Variants in CTTN observed in about 807,000 individuals in gnomAD.
CTTN encodes the protein cortactin.
A neutral mutation model predicts 84.0 loss-of-function variants in CTTN; 28 were observed. That is an observed-to-expected ratio of 0.33 (90% CI 0.25 to 0.46). CTTN has a LOEUF of 0.46. CTTN is among the 20% of genes least tolerant of loss of function. CTTN has a pLI of 1.00. For missense variants in CTTN, 641 were observed against 723.8 expected, an observed-to-expected ratio of 0.89 and a Z score of 1.31; for synonymous variants, 301 against 288.8, an observed-to-expected ratio of 1.04 and a Z score of -0.43.
At chr11:70,418,322 T>C (rs145477030) in intron 8 of CTTN, among the ~76,000 whole-genome samples, 1 of 152,362 alleles carries the variant, frequency 6.6e-6, no homozygotes, top group Non-Finnish European at 1.5e-5. Context: ...CTCTGCCTCT[T>C]TCCTGGGAAC....
In CTTN at chr11:70,431,221, CCT is replaced by C. The variant is rs1591451402; in HGVS notation, c.1208_1209del (p.Pro403ArgfsTer19). The C allele has an allele frequency of 1.9e-6, 3 of 1,614,072 alleles. No homozygotes were observed. The highest frequency in any genetic ancestry group is 1.3e-5 in the African/African-American group (1 of 74,926). On this transcript the variant is annotated frameshift_variant, in exon 15 of 18. Transcript: ENST00000301843. LOFTEE classifies it high-confidence loss of function. ...AGCCAGAGCCAAAACGCAAACGCCC[CCT>C]GTGTCGCCCGCACCTCAGCCAACCG... ...EQARAKTQTP[P>X]VSPAPQPTEE... is the part of the protein sequence containing the mutation.
chr11:70,413,398 G>A (rs746850792), intron 5 of CTTN, among the ~76,000 whole-genome samples: 2 of 152,218 alleles, frequency 1.3e-5, no homozygotes, highest in South Asian at 4.1e-4. Flanking sequence ...CTGGGGCCTC[G>A]GTGTCAGGAC....
Position 70,435,218 on chromosome 11 carries a change from C to CTTCTTTGG in CTTN, c.*62_*69dup. ...TGGATCCTCACACTACAGATCAGGC[C>CTTCTTTGG]TTCTTTGGTTCTTGGGTGGTTTTGG... On this transcript the variant is annotated 3_prime_UTR_variant, in exon 18 of 18. Coordinates refer to ENST00000301843, the MANE Select transcript of CTTN (RefSeq NM_005231.4). 1 of 1,492,476 alleles carries CTTCTTTGG rather than the reference C, an allele frequency of 6.7e-7. No homozygotes were observed. The highest frequency in any genetic ancestry group is 8.8e-7 in the Non-Finnish European group (1 of 1,133,870). The allele number at this position is 1,492,476 out of a possible 1,614,324, so 92.5% of individuals were successfully genotyped here.
At position 70,417,093 on chromosome 11, in the gene CTTN, G is replaced by A; in HGVS notation, c.538G>A (p.Gly180Ser). The change falls in exon 8 of 18, where the codon GGC becomes AGC. Residue 180 changes from glycine to serine, a missense_variant. Physicochemically the swap from Gly to Ser is moderately conservative, Grantham distance 56 (BLOSUM62 0). This residue lies in a region of CTTN where 284 missense variants were observed against 348.4 expected (regional missense o/e 0.82). Transcript: ENST00000301843. ...GAGCGCGGTGGGCTTCGACTACCAGGGCAAGACGGAGAAGCACGAGTCACA... is the reference window on the plus strand; with the variant it reads ...GAGCGCGGTGGGCTTCGACTACCAGAGCAAGACGGAGAAGCACGAGTCACA... ...DKSAVGFDYQ[G>S]KTEKHESQRD... is the part of the protein sequence containing the mutation. The A allele has an allele frequency of 6.2e-7, 1 of 1,614,210 alleles. No homozygotes were observed. The highest frequency in any genetic ancestry group is 8.5e-7 in the Non-Finnish European group (1 of 1,180,042).
At chr11:70,419,636 C>T in intron 8 of CTTN, 110 bp from the exon 9 acceptor site, 1 of 775,504 alleles carries the variant, frequency 1.3e-6, no homozygotes, top group Admixed American at 2.7e-5. Context: ...ATTCAGTGGT[C>T]CTACAGTGGA....
Position 70,415,578 on chromosome 11 carries a change from G to A in CTTN, c.403-85G>A, listed in dbSNP as rs2135568233. The A allele has an allele frequency of 2.4e-6, 3 of 1,228,246 alleles. No individual in the cohort carries two copies. The South Asian group carries it at 3.6e-5, about 15-fold the overall frequency. The allele number at this position is 1,228,246 out of a possible 1,614,324, so 76.1% of individuals were successfully genotyped here. ...TCATGTGTTTCATATTTTTTTAAAT[G>A]TCATGTCATGAATTCAGAGAGATTG... On this transcript the variant is annotated intron_variant, in intron 6 of 17. Coordinates refer to ENST00000301843, the MANE Select transcript of CTTN (RefSeq NM_005231.4).
Position 70,435,253 on chromosome 11 carries a change from GTTTTTTTTTTTTTTTTTT to G in CTTN, c.*99_*116del, listed in dbSNP as rs370623790. On this transcript the variant is annotated 3_prime_UTR_variant, in exon 18 of 18. Coordinates refer to ENST00000301843, the MANE Select transcript of CTTN (RefSeq NM_005231.4). ...TCTTGGGTGGTTTTGGGTTTTTTCT[GTTTTTTTTTTTTTTTTTT>G]TTTTTTTGAAGGTGGGGAGGGGAAT... The G allele has an allele frequency of 5.3e-6, 5 of 938,806 alleles. No homozygotes were observed. In the South Asian group the frequency reaches 1.3e-4, roughly 25 times the overall value. The allele number at this position is 938,806 out of a possible 1,614,324, so 58.2% of individuals were successfully genotyped here.
chr11:70,403,495 T>C (rs1177350637), intron 1 of CTTN, among the ~76,000 whole-genome samples: 1 of 152,158 alleles, frequency 6.6e-6, no homozygotes, highest in African/African-American at 2.4e-5. Flanking sequence ...CCAAGAGTTC[T>C]TTATATATTC....
intron 5 of CTTN, among the ~76,000 whole-genome samples, chr11:70,413,146 A>G (rs1453123166): frequency 1.3e-5 from 2 of 152,182 alleles, no homozygotes; most frequent in East Asian, 3.9e-4. Flanking sequence ...TTAGGGCAAG[A>G]CCTGCTTTTT....
intron 8 of CTTN, among the ~76,000 whole-genome samples, chr11:70,418,804 GTC>G (rs1406108203): frequency 1.4e-5 from 2 of 147,140 alleles, no homozygotes; most frequent in African/African-American, 2.5e-5. Context: ...TTGAGACGGA[GTC>G]TCTCTCTCTC....
intron 1 of CTTN, among the ~76,000 whole-genome samples, chr11:70,401,582 A>G (rs957808000): frequency 1.3e-5 from 2 of 151,986 alleles, no homozygotes; most frequent in Non-Finnish European, 2.9e-5. Flanking sequence ...CAGGAGGCAG[A>G]GGTTGCGGTG....
At chr11:70,431,897 G>A (rs987240578) in intron 15 of CTTN, among the ~76,000 whole-genome samples, 1 of 152,120 alleles carries the variant, frequency 6.6e-6, no homozygotes, top group Non-Finnish European at 1.5e-5. Context: ...CAGCACCTCT[G>A]CGCTAACCAC....
At chr11:70,421,759 T>C (rs1565495424) in intron 11 of CTTN, 179 bp downstream of exon 11, 1 of 598,034 alleles carries the variant, frequency 1.7e-6, no homozygotes. Flanking sequence ...TGATTTTGAG[T>C]GGTTCACTTT....
At chr11:70,400,202 C>G (rs1229025300) in intron 1 of CTTN, among the ~76,000 whole-genome samples, 1 of 152,192 alleles carries the variant, frequency 6.6e-6, no homozygotes, top group African/African-American at 2.4e-5. Flanking sequence ...GGTGCGGTGG[C>G]TCACACCTGT....
intron 1 of CTTN, among the ~76,000 whole-genome samples, chr11:70,399,804 T>C (rs1037889244): frequency 5.9e-5 from 9 of 152,156 alleles, no homozygotes; most frequent in Non-Finnish European, 1.2e-4. Context: ...TGGAATCCCA[T>C]GCGCTCCCTT....
At chr11:70,415,944 A>G (rs2058153330) in intron 7 of CTTN, 5 of 501,116 alleles carry the variant, frequency 1.0e-5, no homozygotes, top group East Asian at 9.7e-5. Flanking sequence ...CCCGTTACAC[A>G]TCCCCCTCGG....
chr11:70,418,053 C>G (rs1380250485), intron 8 of CTTN, among the ~76,000 whole-genome samples: 1 of 151,944 alleles, frequency 6.6e-6, no homozygotes, highest in Admixed American at 6.6e-5. Flanking sequence ...CTTGTTTGGC[C>G]TGCACATTTA....
At chr11:70,419,018 G>A (rs896102514) in intron 8 of CTTN, among the ~76,000 whole-genome samples, 2 of 150,914 alleles carry the variant, frequency 1.3e-5, no homozygotes, top group Admixed American at 6.6e-5. Context: ...CTCATGATCC[G>A]CCCACCTTGG....
intron 11 of CTTN, chr11:70,422,331 T>G (rs2135581323): frequency 2.5e-6 from 1 of 393,548 alleles, no homozygotes; most frequent in Non-Finnish European, 5.0e-6. Flanking sequence ...ACAGCAGTGT[T>G]CAGGTGTGGG....
Sources: gnomAD v4.1 joint callset for allele counts (sites outside exome capture counted in the v4.1 genomes callset) on GRCh38, gnomAD v4.1.1 for gene constraint, gnomAD v4.1.1 regional missense constraint, MANE v1.5 for transcripts, NCBI Gene and HGNC (gene_info 2026-07-23, HGNC 2026-07-21) for gene names.